Variants in TNFRSF1B observed in about 807,000 individuals in gnomAD.
TNFRSF1B encodes the protein TNF receptor superfamily member 1B.
A neutral mutation model predicts 44.6 loss-of-function variants in TNFRSF1B; 19 were observed. That is an observed-to-expected ratio of 0.43 (90% CI 0.30 to 0.62). TNFRSF1B has a LOEUF of 0.62. TNFRSF1B is among the 20% of genes least tolerant of loss of function. TNFRSF1B has a pLI of 0.16. For synonymous variants in TNFRSF1B, 252 were observed against 261.1 expected (o/e 0.97, Z 0.34); for missense variants, 541 against 619.9 (o/e 0.87, Z 1.35).
rs1639181821 is a variant in TNFRSF1B, at chr1:12,192,940, C to T, written c.629C>T (p.Ala210Val). Residue 210 changes from alanine to valine, a missense_variant, in exon 6 of 10, where the codon GCC (alanine) becomes GTC (valine). Physicochemically the swap from Ala to Val is moderately conservative, Grantham distance 64. Coordinates refer to ENST00000376259, the MANE Select transcript of TNFRSF1B (RefSeq NM_001066.3). ...TCCACGTCCCCCACCCGGAGTATGG[C>T]CCCAGGGGCAGTACACTTACCCCAG... ...CTSTSPTRSM[A>V]PGAVHLPQPV... 1 of 1,614,080 alleles carries T rather than the reference C, an allele frequency of 6.2e-7. No individual in the cohort carries two copies. The highest frequency in any genetic ancestry group is 1.1e-5 in the South Asian group (1 of 91,092).
intron 1 of TNFRSF1B, among the ~76,000 whole-genome samples, chr1:12,172,503 C>A (rs998501123): frequency 6.6e-6 from 1 of 152,240 alleles, no homozygotes; most frequent in African/African-American, 2.4e-5. Flanking sequence ...CTCTCTGGGC[C>A]ATGGGGTGGT....
chr1:12,191,120 C>A lies in TNFRSF1B; in HGVS notation c.307+35C>A, dbSNP rs561791534. On this transcript the variant is annotated intron_variant, in intron 3 of 9. Coordinates refer to ENST00000376259, the MANE Select transcript of TNFRSF1B (RefSeq NM_001066.3). ...TTCAGAGAAAAAGGGGGCCCTTACA[C>A]CCCTGCCTCCAACTTCCCCCGGCAA... The A allele has an allele frequency of 3.1e-6, 5 of 1,601,512 alleles. No homozygotes were observed. The African/African-American group carries it at 6.7e-5, about 21-fold the overall frequency.
chr1:12,175,985 C>T (rs985960298), intron 1 of TNFRSF1B, among the ~76,000 whole-genome samples: 2 of 151,176 alleles, frequency 1.3e-5, no homozygotes, highest in South Asian at 2.1e-4. Flanking sequence ...GAGGCCAAGG[C>T]GGGCGGATCA....
chr1:12,183,711 T>A (rs200750920), intron 1 of TNFRSF1B, among the ~76,000 whole-genome samples: 2 of 93,224 alleles, frequency 2.1e-5, no homozygotes, highest in African/African-American at 7.6e-5. Flanking sequence ...TATCTATCTA[T>A]TCTATCTACC....
chr1:12,206,729 G>A lies in TNFRSF1B; in HGVS notation c.1106-11G>A, dbSNP rs1296805426. 1.9e-6 allele frequency: 3 copies of A among 1,566,928 alleles called. No homozygotes were observed. The highest frequency in any genetic ancestry group is 1.7e-4 in the Middle Eastern group (1 of 5,902). ...CCCGGACTGACCCCCACCCCATCTT[G>A]TGCTTAGCAGATTCTTCCCCTGGTG... is the stretch of plus-strand genomic sequence containing the variant. On this transcript the variant is annotated splice_polypyrimidine_tract_variant and intron_variant, in intron 9 of 9. Coordinates refer to ENST00000376259, the MANE Select transcript of TNFRSF1B (RefSeq NM_001066.3).
chr1:12,173,490 C>A (rs189866125), intron 1 of TNFRSF1B, among the ~76,000 whole-genome samples: 1 of 152,326 alleles, frequency 6.6e-6, no homozygotes, highest in Non-Finnish European at 1.5e-5. Context: ...TTAGGCAGAA[C>A]TGGGGTTTGT....
chr1:12,190,380 G>A (rs680480), intron 2 of TNFRSF1B, among the ~76,000 whole-genome samples: 32,601 of 149,696 alleles, frequency 0.22, 3,598 homozygotes, highest in Middle Eastern at 0.26. Flanking sequence ...AATTGCTTGA[G>A]CCTGAGAGGC....
Position 12,180,644 on chromosome 1 carries a change from C to T in TNFRSF1B, c.79-8152C>T, listed in dbSNP as rs1159704036. Among the ~76,000 whole-genome samples, 1 of 152,252 alleles carries T rather than the reference C, an allele frequency of 6.6e-6. No homozygotes were observed. Among genetic ancestry groups the T allele is most frequent in the Non-Finnish European group, 1.5e-5 (1 of 68,040 alleles). The stretch of plus-strand genomic sequence containing the variant: ...GCGAATCTTATACCTGCAGCCCTGT[C>T]CACCAGCTGTGCTTCCTGAGTCCTC... On this transcript the variant is annotated intron_variant, in intron 1 of 9. Transcript: ENST00000376259. This position sits in a 1 kb window ranked among gnomAD's most constrained non-coding sequence, Gnocchi z 4.3.
chr1:12,182,489 G>A (rs560708924), intron 1 of TNFRSF1B, among the ~76,000 whole-genome samples: 4 of 152,084 alleles, frequency 2.6e-5, no homozygotes, highest in East Asian at 3.9e-4. Context: ...ACAACTTCCC[G>A]GGGGCAGGGA....
At position 12,191,912 on chromosome 1, in the gene TNFRSF1B, T is replaced by C. The variant is rs1239993379; in HGVS notation, c.446T>C (p.Val149Ala). Reference sequence around the variant, plus strand: ...CGCAAGTGCCGCCCGGGCTTCGGCGTGGCCAGACCAGGTACGGGGTGGGGC... The same window carrying C: ...CGCAAGTGCCGCCCGGGCTTCGGCGCGGCCAGACCAGGTACGGGGTGGGGC... Reference protein sequence around the residue: ...PLRKCRPGFGVARPGTETSDV... With the variant: ...PLRKCRPGFGAARPGTETSDV... The change falls in exon 4 of 10, where the codon GTG becomes GCG. Residue 149 changes from valine (V) to alanine (A), a missense_variant. Physicochemically the swap from Val to Ala is moderately conservative, Grantham distance 64. Coordinates refer to ENST00000376259, the MANE Select transcript of TNFRSF1B (RefSeq NM_001066.3). The C allele has an allele frequency of 6.2e-7, 1 of 1,608,914 alleles. No individual in the cohort carries two copies. Among genetic ancestry groups the C allele is most frequent in the Non-Finnish European group, 8.5e-7 (1 of 1,178,302 alleles).
At chr1:12,203,706 C>T (rs1639441051) in intron 9 of TNFRSF1B, among the ~76,000 whole-genome samples, 2 of 152,152 alleles carry the variant, frequency 1.3e-5, no homozygotes, top group South Asian at 4.1e-4. Context: ...AGTCTTTGCC[C>T]AGTTCTTGGA....
intron 1 of TNFRSF1B, among the ~76,000 whole-genome samples, chr1:12,184,627 C>T (rs567688414): frequency 9.2e-5 from 14 of 152,326 alleles, no homozygotes; most frequent in South Asian, 8.3e-4. Flanking sequence ...AGCTGCCTGC[C>T]GTTAGTGGCC....
At chr1:12,206,116 G>A (rs962713704) in intron 9 of TNFRSF1B, among the ~76,000 whole-genome samples, 3 of 152,132 alleles carry the variant, frequency 2.0e-5, no homozygotes, top group Admixed American at 6.5e-5. Flanking sequence ...GGCTGAGCAC[G>A]GTGGCTCACA....
chr1:12,191,676 C>A, intron 3 of TNFRSF1B, 98 bp from the exon 4 acceptor site: 1 of 1,527,674 alleles, frequency 6.5e-7, no homozygotes, highest in Non-Finnish European at 9.0e-7. Context: ...CGCCAGCCTC[C>A]TGGAGATCCG....
chr1:12,188,781 C>T lies in TNFRSF1B; in HGVS notation c.79-15C>T. ...GGCGGCCCTGTTGATGGCAGTCTTC[C>T]CTTCTTCCTTCCAGGTGGCATTTAC... On this transcript the variant is annotated splice_polypyrimidine_tract_variant and intron_variant, in intron 1 of 9. Transcript: ENST00000376259. 1 of 1,612,136 alleles carries T rather than the reference C, an allele frequency of 6.2e-7. No homozygotes were observed. Among genetic ancestry groups the T allele is most frequent in the Non-Finnish European group, 8.5e-7 (1 of 1,178,834 alleles).
intron 8 of TNFRSF1B, among the ~76,000 whole-genome samples, chr1:12,197,564 C>A (rs1295436958): frequency 6.9e-6 from 1 of 145,446 alleles, no homozygotes; most frequent in Non-Finnish European, 1.6e-5. Flanking sequence ...CCCCATTTTA[C>A]AGAGGAGGAA....
At chr1:12,203,381 G>T (rs1454728768) in intron 9 of TNFRSF1B, among the ~76,000 whole-genome samples, 1 of 152,072 alleles carries the variant, frequency 6.6e-6, no homozygotes, top group Non-Finnish European at 1.5e-5. Flanking sequence ...CCCCCACCAC[G>T]CAGCCCTCCT....
At chr1:12,185,341 T>A (rs932716237) in intron 1 of TNFRSF1B, among the ~76,000 whole-genome samples, 32 of 152,152 alleles carry the variant, frequency 2.1e-4, no homozygotes, top group Non-Finnish European at 2.6e-4. Context: ...ATGGTACAGC[T>A]TCCTGGGCCC....
chr1:12,191,872 C>G lies in TNFRSF1B; in HGVS notation c.406C>G (p.Leu136Val). Reference sequence around the variant, plus strand: ...GCTGAGCAAGCAGGAGGGGTGCCGGCTGTGCGCGCCGCTGCGCAAGTGCCG... The same window carrying G: ...GCTGAGCAAGCAGGAGGGGTGCCGGGTGTGCGCGCCGCTGCGCAAGTGCCG... The part of the protein sequence containing the change: ...CALSKQEGCR[L>V]CAPLRKCRPG... The change falls in exon 4 of 10, where the codon CTG (leucine) becomes GTG (valine). Residue 136 changes from leucine to valine, a missense_variant. By Grantham distance (32) the Leu-to-Val change is conservative. Coordinates refer to ENST00000376259, the MANE Select transcript of TNFRSF1B (RefSeq NM_001066.3). The G allele has an allele frequency of 6.2e-7, 1 of 1,611,262 alleles. No homozygotes were observed.
Sources: allele counts gnomAD v4.1 joint callset (sites outside exome capture counted in the v4.1 genomes callset), GRCh38; gene constraint gnomAD v4.1.1; non-coding constraint Gnocchi (gnomAD v3.1); transcripts MANE v1.5; gene names NCBI Gene and HGNC (gene_info 2026-07-23, HGNC 2026-07-21).